The following RAB33A variants were observed in gnomAD, a reference collection of about 807,000 sequenced individuals.
The protein encoded by RAB33A is RAB33A, member RAS oncogene family, also known as ras-related protein Rab-33A.
Under a neutral mutation model 12.0 loss-of-function variants are expected in RAB33A, and 6 were observed. The ratio of observed to expected loss-of-function variants is 0.50; its 90% CI spans 0.27 to 0.99. The LOEUF (loss-of-function observed/expected upper bound fraction) is 0.99, where lower values mean the gene tolerates loss of function less well. RAB33A is among the 50% of genes least tolerant of loss of function. RAB33A has a pLI of 0.11. For missense variants in RAB33A, 109 were observed against 192.0 expected (o/e 0.57, Z 2.55); for synonymous variants, 70 against 82.4 (o/e 0.85, Z 0.81).
At chrX:130,159,984 G>C in the RAB33A span, among the ~76,000 whole-genome samples, 1 of 109,718 alleles carries the variant, frequency 9.1e-6, no homozygotes, top group African/African-American at 3.3e-5. Flanking sequence ...CCAACGCCCA[G>C]CTAATTTTTC....
the RAB33A span, among the ~76,000 whole-genome samples, chrX:130,124,683 G>C: frequency 8.9e-5 from 10 of 112,688 alleles, no homozygotes; most frequent in Non-Finnish European, 1.9e-5. Flanking sequence ...AAACAAGTTA[G>C]GTTTATTGCT....
At chrX:130,165,639 G>A in the RAB33A span, 5 of 1,199,049 alleles carry the variant, frequency 4.2e-6, no homozygotes, top group African/African-American at 1.7e-5. Flanking sequence ...CCGCCGCCAG[G>A]CCTCCACACC....
At chrX:130,182,974 G>A (rs1340141319) in intron 1 of RAB33A, among the ~76,000 whole-genome samples, 2 of 108,564 alleles carry the variant, frequency 1.8e-5, no homozygotes, top group African/African-American at 3.3e-5. Context: ...GCCCGATCTC[G>A]GCTTACTGCA....
At chrX:130,148,462 C>G in the RAB33A span, among the ~76,000 whole-genome samples, 4 of 111,686 alleles carry the variant, frequency 3.6e-5, no homozygotes, top group Non-Finnish European at 7.5e-5. Context: ...TTTAGGAAAG[C>G]AAATATACCT....
At chrX:130,117,655 A>G in the RAB33A span, among the ~76,000 whole-genome samples, 1 of 112,742 alleles carries the variant, frequency 8.9e-6, no homozygotes, top group Admixed American at 9.3e-5. Context: ...CTCTAACTCC[A>G]CTGATCCCCA....
At chrX:130,123,700 C>CCA in the RAB33A span, among the ~76,000 whole-genome samples, 1 of 39,853 alleles carries the variant, frequency 2.5e-5, no homozygotes, top group African/African-American at 1.0e-4. Flanking sequence ...GACTCTGTCT[C>CCA]AAAAAAAAAA....
the RAB33A span, among the ~76,000 whole-genome samples, chrX:130,164,945 T>G: frequency 1.8e-5 from 2 of 110,221 alleles, no homozygotes; most frequent in African/African-American, 6.6e-5. Flanking sequence ...TACAATGCGT[T>G]CTGCAAACTG....
At chrX:130,138,382 C>G in the RAB33A span, among the ~76,000 whole-genome samples, 17 of 110,428 alleles carry the variant, frequency 1.5e-4, no homozygotes, top group South Asian at 1.2e-3. Flanking sequence ...GGAGAATGGC[C>G]TGAACCCGGG....
At chrX:130,119,080 G>C in the RAB33A span, among the ~76,000 whole-genome samples, 1 of 111,512 alleles carries the variant, frequency 9.0e-6, no homozygotes, top group Non-Finnish European at 1.9e-5. Flanking sequence ...GGCCAGGGAC[G>C]GGAGAGGGGC....
At chrX:130,177,313 T>C (rs1373191899) in intron 1 of RAB33A, among the ~76,000 whole-genome samples, 1 of 112,525 alleles carries the variant, frequency 8.9e-6, no homozygotes, top group African/African-American at 3.2e-5. Context: ...GAGCAACAAC[T>C]AATATTTGCA....
At chrX:130,149,444 T>A in the RAB33A span, 1 of 1,154,266 alleles carries the variant, frequency 8.7e-7, no homozygotes, top group African/African-American at 1.8e-5. Flanking sequence ...TCTCAAATCA[T>A]AGCAAGACTT....
the RAB33A span, among the ~76,000 whole-genome samples, chrX:130,121,247 CTTTTCTTTTTTT>C: frequency 9.4e-6 from 1 of 106,166 alleles, no homozygotes; most frequent in Non-Finnish European, 1.9e-5. Flanking sequence ...TTTTTCTTTT[CTTTTCTTTTTTT>C]TTTTTTTTTT....
At chrX:130,142,338 G>T in the RAB33A span, among the ~76,000 whole-genome samples, 1 of 111,233 alleles carries the variant, frequency 9.0e-6, no homozygotes, top group South Asian at 3.9e-4. Context: ...TCCTTGGTAA[G>T]CTCCCTCTTC....
the RAB33A span, among the ~76,000 whole-genome samples, chrX:130,113,490 C>T: frequency 9.5e-6 from 1 of 104,835 alleles, no homozygotes; most frequent in African/African-American, 3.5e-5. Flanking sequence ...ATGGTGTGAT[C>T]TCGGCTCACC....
At chrX:130,120,354 G>A in the RAB33A span, among the ~76,000 whole-genome samples, 1 of 111,423 alleles carries the variant, frequency 9.0e-6, no homozygotes. Flanking sequence ...CGGCCGAGCC[G>A]AGTCTCAGGC....
At chrX:130,140,106 T>G in the RAB33A span, among the ~76,000 whole-genome samples, 2 of 112,522 alleles carry the variant, frequency 1.8e-5, no homozygotes, top group African/African-American at 6.5e-5. Flanking sequence ...TGCCCCTAGG[T>G]GGCCAAAAGG....
chrX:130,124,581 C>A, the RAB33A span, among the ~76,000 whole-genome samples: 2 of 112,071 alleles, frequency 1.8e-5, no homozygotes, highest in Non-Finnish European at 3.8e-5. Context: ...TCACTGGGGT[C>A]TCTGCCTGAT....
chrX:130,175,749 G>A (rs1048309359), intron 1 of RAB33A, among the ~76,000 whole-genome samples: 40 of 110,974 alleles, frequency 3.6e-4, no homozygotes, highest in Non-Finnish European at 6.0e-4. Context: ...CACCTGCCTC[G>A]ACCTCCCAAA....
the RAB33A span, among the ~76,000 whole-genome samples, chrX:130,134,081 C>CA: frequency 9.1e-6 from 1 of 109,999 alleles, no homozygotes; most frequent in Non-Finnish European, 1.9e-5. Flanking sequence ...ACTAAAAATA[C>CA]AAAAAATTAG....
Sources: allele counts gnomAD v4.1 joint callset (sites outside exome capture counted in the v4.1 genomes callset), GRCh38; gene constraint gnomAD v4.1.1; transcripts MANE v1.5; gene names NCBI Gene and HGNC (gene_info 2026-07-23, HGNC 2026-07-21).